The following SCNN1A variants were observed in gnomAD, a reference collection of about 807,000 sequenced individuals.
SCNN1A encodes the protein sodium channel epithelial 1 subunit alpha.
In SCNN1A, 65 loss-of-function variants were observed where a neutral mutation model predicts 68.6. The ratio of observed to expected loss-of-function variants is 0.95; its 90% confidence interval spans 0.78 to 1.16. SCNN1A has a LOEUF of 1.16. Ranked by LOEUF, SCNN1A falls within the 50% of genes most tolerant of loss-of-function variation. SCNN1A has a pLI of 0.00. For synonymous variants in SCNN1A, 357 were observed against 353.3 expected (o/e 1.01, Z -0.12); for missense variants, 880 against 865.9 (o/e 1.02, Z -0.20).
chr12:6,355,802 C>A lies in SCNN1A; in HGVS notation c.954G>T (p.Met318Ile). 1.2e-6 allele frequency: 2 copies of A among 1,613,038 alleles called. No individual in the cohort carries two copies. Among genetic ancestry groups the A allele is most frequent in the Non-Finnish European group, 1.7e-6 (2 of 1,178,956 alleles). Residue 318 changes from methionine to isoleucine, a missense_variant, in exon 5 of 13, where the codon ATG (methionine) becomes ATT (isoleucine). Around this residue, in one of 3 missense-constraint regions of SCNN1A, gnomAD observed 758 missense variants for 721.8 expected, o/e 1.05. Transcript: ENST00000228916. The stretch of plus-strand genomic sequence containing the variant: ...CGTTGTTGATTCCAGGCATGGAAGA[C>A]ATCCAGAGGTTGGAGTTGTTCTTGT... The part of the protein sequence containing the change: ...FNDKNNSNLW[M>I]SSMPGINNGL...
At chr12:6,363,400 C>T (rs1948615058) in intron 3 of SCNN1A, 43 bp downstream of exon 3, 1 of 1,475,134 alleles carries the variant, frequency 6.8e-7, no homozygotes, top group South Asian at 1.4e-5. Context: ...GGGCCAGGGG[C>T]CGGCGAGGGG....
rs201176348 is a variant in SCNN1A at position 6,349,421 on chromosome 12, G to A, written c.1361-16C>T. 30 of 1,560,956 alleles carry A rather than the reference G, an allele frequency of 1.9e-5. No individual in the cohort carries two copies. In the East Asian group the frequency reaches 6.9e-4, roughly 36 times the overall value. Reference sequence around the variant, plus strand: ...TAGCAGTACCCTGTGGGTACAGAGAGATGCCTGTTCTCCTAGGGCACCTCA... The same window carrying A: ...TAGCAGTACCCTGTGGGTACAGAGAAATGCCTGTTCTCCTAGGGCACCTCA... On this transcript the variant is annotated splice_polypyrimidine_tract_variant and intron_variant, in intron 8 of 12. Transcript: ENST00000228916.
chr12:6,368,787 T>C (rs1301411837), intron 2 of SCNN1A, among the ~76,000 whole-genome samples: 3 of 152,202 alleles, frequency 2.0e-5, no homozygotes, highest in Admixed American at 6.5e-5. Flanking sequence ...CTCTGAGATG[T>C]AGGGCCTGGT....
intron 6 of SCNN1A, 139 bp downstream of exon 6, chr12:6,355,133 C>G: frequency 1.0e-6 from 1 of 975,858 alleles, no homozygotes; most frequent in East Asian, 2.6e-5. Flanking sequence ...AGCCCCTCTG[C>G]CCCTCATTCC....
At chr12:6,367,621 G>C (rs950992526) in intron 2 of SCNN1A, among the ~76,000 whole-genome samples, 1 of 152,190 alleles carries the variant, frequency 6.6e-6, no homozygotes, top group African/African-American at 2.4e-5. Flanking sequence ...AGTGGGAGAG[G>C]AAGAGGAATT....
intron 10 of SCNN1A, 68 bp downstream of exon 10, chr12:6,349,094 AAT>A: frequency 3.7e-6 from 6 of 1,602,872 alleles, no homozygotes; most frequent in Non-Finnish European, 5.1e-6. Context: ...TCATACACAT[AAT>A]ACCCAGAGAA....
chr12:6,372,497 G>A lies in SCNN1A; in HGVS notation c.416+1871C>T, dbSNP rs897409116. On this transcript the variant is annotated intron_variant, in intron 2 of 12. Coordinates refer to ENST00000228916, the MANE Select transcript of SCNN1A (RefSeq NM_001038.6). This position sits in a 1 kb window ranked among gnomAD's most constrained non-coding sequence, Gnocchi z 5.8. ...TGGGCAGATGGCTGCCTCCCAGCCT[G>A]CAGGCCCCAGAGGCAGGGCTTATGG... Among the ~76,000 whole-genome samples the A allele has an allele frequency of 3.3e-5, 5 of 152,212 alleles. No homozygotes were observed. The highest frequency in any genetic ancestry group is 1.2e-4 in the African/African-American group (5 of 41,454).
intron 2 of SCNN1A, among the ~76,000 whole-genome samples, chr12:6,373,112 A>G (rs1394648753): frequency 2.6e-5 from 4 of 152,030 alleles, no homozygotes; most frequent in Non-Finnish European, 4.4e-5. Flanking sequence ...ACAGACGTTA[A>G]TCAACGAAAT....
upstream of SCNN1A, among the ~76,000 whole-genome samples, chr12:6,376,516 G>A (rs576799283): frequency 3.3e-5 from 5 of 152,242 alleles, no homozygotes; most frequent in African/African-American, 9.6e-5. Flanking sequence ...TGTGGCCAGC[G>A]CTGGAAAGGA....
At chr12:6,361,460 C>A (rs1450607876) in intron 4 of SCNN1A, among the ~76,000 whole-genome samples, 5 of 152,202 alleles carry the variant, frequency 3.3e-5, no homozygotes, top group Non-Finnish European at 5.9e-5. Context: ...AAGACCCTGG[C>A]CAGGCATGGT....
rs979000893 is a variant in SCNN1A at position 6,351,679 on chromosome 12, A to G, written c.1361-2274T>C. Reference sequence around the variant, plus strand: ...GAATAGGCAAATCCATAGAGAGAGAAAGAAAGAATCGTGGTTGCCCAAGGG... The same window carrying G: ...GAATAGGCAAATCCATAGAGAGAGAGAGAAAGAATCGTGGTTGCCCAAGGG... On this transcript the variant is annotated intron_variant, in intron 8 of 12. Coordinates refer to ENST00000228916, the MANE Select transcript of SCNN1A (RefSeq NM_001038.6). This position sits in a 1 kb window ranked among gnomAD's most constrained non-coding sequence, Gnocchi z 4.2. 5.3e-5 allele frequency among the ~76,000 whole-genome samples: 8 copies of G among 152,008 alleles called. No homozygotes were observed. Among genetic ancestry groups the G allele is most frequent in the Non-Finnish European group, 1.0e-4 (7 of 67,992 alleles).
chr12:6,374,687 G>A lies in SCNN1A; in HGVS notation c.97C>T (p.Pro33Ser). The A allele has an allele frequency of 6.2e-7, 1 of 1,613,970 alleles. No homozygotes were observed. The highest frequency in any genetic ancestry group is 8.5e-7 in the Non-Finnish European group (1 of 1,179,956). The change falls in exon 2 of 13, where the codon CCC becomes TCC. Residue 33 changes from proline to serine, a missense_variant. Around this residue, in one of 3 missense-constraint regions of SCNN1A, gnomAD observed 77 missense variants for 67.4 expected, o/e 1.14. Coordinates refer to ENST00000228916, the MANE Select transcript of SCNN1A (RefSeq NM_001038.6). This position sits in a 1 kb window ranked among gnomAD's most constrained non-coding sequence, Gnocchi z 6.2. ...GNKREEQGLG[P>S]EPAAPQQPTA... ...GGCTGCTGGGGCGCCGCAGGTTCGG[G>A]GCCCAGCCCCTGCTCCTCACGCTTG...
intron 12 of SCNN1A, 52 bp from the exon 13 acceptor site, chr12:6,348,305 C>T (rs781194387): frequency 1.2e-6 from 2 of 1,612,624 alleles, no homozygotes; most frequent in Non-Finnish European, 1.7e-6. Context: ...TGGATGGACT[C>T]TGGCAGAGGA....
chr12:6,363,462 C>CA lies in SCNN1A; in HGVS notation c.664dup (p.Trp222LeufsTer89). The CA allele has an allele frequency of 6.3e-7, 1 of 1,597,922 alleles. No individual in the cohort carries two copies. The highest frequency in any genetic ancestry group is 8.5e-7 in the Non-Finnish European group (1 of 1,173,482). On this transcript the variant is annotated frameshift_variant, in exon 3 of 13. Transcript: ENST00000228916. LOFTEE classifies it high-confidence loss of function. ...CCTCACCAGCTGGAAGCCGATCTTCCAGTCCTTCCAGTCCACCTGGGGGTT... is the reference window on the plus strand; with the variant it reads ...CCTCACCAGCTGGAAGCCGATCTTCCAAGTCCTTCCAGTCCACCTGGGGGTT...
In SCNN1A at chr12:6,349,239, T is replaced by C. The variant is rs1384531254; in HGVS notation, c.1440-18A>G. ...TGGTCACGCTGGGGATGGAGAAAGG[T>C]GCTCAGTGTTGGGGCAGAGCTCTCC... On this transcript the variant is annotated intron_variant, in intron 9 of 12. Coordinates refer to ENST00000228916, the MANE Select transcript of SCNN1A (RefSeq NM_001038.6). The C allele has an allele frequency of 6.2e-7, 1 of 1,613,988 alleles. No individual in the cohort carries two copies. Among genetic ancestry groups the C allele is most frequent in the Non-Finnish European group, 8.5e-7 (1 of 1,179,948 alleles).
At position 6,374,835 on chromosome 12, in the gene SCNN1A, C is replaced by G. The variant is rs1948870207; in HGVS notation, c.-52G>C. 2 of 1,613,978 alleles carry G rather than the reference C, an allele frequency of 1.2e-6. No individual in the cohort carries two copies. Among genetic ancestry groups the G allele is most frequent in the African/African-American group, 1.3e-5 (1 of 74,900 alleles). On this transcript the variant is annotated splice_region_variant and 5_prime_UTR_variant, in exon 2 of 13. Transcript: ENST00000228916. This position sits in a 1 kb window ranked among gnomAD's most constrained non-coding sequence, Gnocchi z 6.2. The stretch of plus-strand genomic sequence containing the variant: ...TAGGGTCCTGCTCCTCCAGCTTGTT[C>G]CCCTTCATGAGCCCCGGAGTGGATT...
At chr12:6,368,445 T>C (rs1948718212) in intron 2 of SCNN1A, among the ~76,000 whole-genome samples, 1 of 152,238 alleles carries the variant, frequency 6.6e-6, no homozygotes. Context: ...TGTGTTTACA[T>C]ATCTAGTTAG....
chr12:6,372,183 T>C lies in SCNN1A; in HGVS notation c.416+2185A>G, dbSNP rs1461256192. ...TAATAAATAAATAATGTATGTTCCC[T>C]TGCTCAAATTATTTCCTCTTGCCAA... On this transcript the variant is annotated intron_variant, in intron 2 of 12. Coordinates refer to ENST00000228916, the MANE Select transcript of SCNN1A (RefSeq NM_001038.6). The surrounding 1 kb of genome is among the most constrained non-coding windows in gnomAD (Gnocchi z 5.8). 6.6e-6 allele frequency among the ~76,000 whole-genome samples: 1 copy of C among 152,218 alleles called. No individual in the cohort carries two copies.
chr12:6,375,376 CT>C, intron 1 of SCNN1A, 128 bp downstream of exon 1: 1 of 1,471,318 alleles, frequency 6.8e-7, no homozygotes, highest in Non-Finnish European at 9.0e-7. Flanking sequence ...CTGATTCTGT[CT>C]CTGCCCCAGG....
Sources: allele counts gnomAD v4.1 joint callset (sites outside exome capture counted in the v4.1 genomes callset), GRCh38; gene constraint gnomAD v4.1.1; regional missense constraint gnomAD v4.1.1; non-coding constraint Gnocchi (gnomAD v3.1); transcripts MANE v1.5; gene names NCBI Gene and HGNC (gene_info 2026-07-23, HGNC 2026-07-21).